The following XRCC5 variants were observed in gnomAD, a reference collection of about 807,000 sequenced individuals.
XRCC5 encodes the protein X-ray repair cross complementing 5.
In XRCC5, 12 loss-of-function variants were observed where a neutral mutation model predicts 95.7. That is an observed-to-expected ratio of 0.13 (90% confidence interval 0.08 to 0.20). The LOEUF (loss-of-function observed/expected upper bound fraction) is 0.20. Ranked by LOEUF, XRCC5 falls within the 10% of genes least tolerant of loss-of-function variation. The probability of loss-of-function intolerance (pLI) is 1.00; values close to 1 mark genes in which losing one functional copy is unlikely to be tolerated. For missense variants in XRCC5, 595 were observed against 873.9 expected, an observed-to-expected ratio of 0.68 and a Z score of 4.02; for synonymous variants, 281 against 290.3, an observed-to-expected ratio of 0.97 and a Z score of 0.33.
At chr2:216,198,892 G>T (rs1056731273) in intron 19 of XRCC5, among the ~76,000 whole-genome samples, 1 of 152,244 alleles carries the variant, frequency 6.6e-6, no homozygotes. Flanking sequence ...TTGATTTTTG[G>T]AGAGAAGTGT....
chr2:216,152,905 A>C (rs1342474957), intron 14 of XRCC5, among the ~76,000 whole-genome samples: 1 of 151,634 alleles, frequency 6.6e-6, no homozygotes, highest in Non-Finnish European at 1.5e-5. Context: ...GCCACTAATA[A>C]TTTCTTCTCT....
chr2:216,143,983 G>A (rs1697212244), intron 13 of XRCC5, among the ~76,000 whole-genome samples: 1 of 152,030 alleles, frequency 6.6e-6, no homozygotes, highest in African/African-American at 2.4e-5. Context: ...CCAAAGTGCT[G>A]GGATTGCAGG....
intron 6 of XRCC5, 95 bp downstream of exon 6, chr2:216,122,348 C>A: frequency 8.4e-7 from 1 of 1,195,144 alleles, no homozygotes; most frequent in Non-Finnish European, 1.2e-6. Context: ...TTTTCTGGGC[C>A]ACTCTCTAAT....
Position 216,190,250 on chromosome 2 carries a change from C to T in XRCC5, c.1860C>T (p.Ile620=), listed in dbSNP as rs143457870. ...EEASNQLINH[I]EQFLDTNETP... is the part of the protein sequence containing the mutation. ...CGAGTAACCAGCTCATAAATCACAT[C>T]GAACAGTTTTTGGATACTAATGAAA... is the stretch of plus-strand genomic sequence containing the variant. Residue 620 remains isoleucine (I), a synonymous_variant, in exon 17 of 21, where the codon ATC becomes ATT. Transcript: ENST00000392132. 1.2e-5 allele frequency: 19 copies of T among 1,613,724 alleles called. No individual in the cohort carries two copies. The highest frequency in any genetic ancestry group is 8.3e-5 in the Admixed American group (5 of 60,000).
At chr2:216,166,793 G>A (rs540777624) in intron 16 of XRCC5, among the ~76,000 whole-genome samples, 6 of 152,212 alleles carry the variant, frequency 3.9e-5, no homozygotes, top group South Asian at 2.1e-4. Flanking sequence ...GCGCGATTAT[G>A]TCTGAATTTA....
chr2:216,116,981 T>C, intron 3 of XRCC5, 139 bp downstream of exon 3: 2 of 850,562 alleles, frequency 2.4e-6, no homozygotes, highest in Non-Finnish European at 3.6e-6. Flanking sequence ...AGGTAATGTG[T>C]TAATAGGGTT....
intron 19 of XRCC5, among the ~76,000 whole-genome samples, chr2:216,199,936 A>C (rs976243260): frequency 6.6e-6 from 1 of 150,708 alleles, no homozygotes. Context: ...GTAACTGCCT[A>C]ATTTATCCTT....
chr2:216,186,069 G>A (rs757054011), intron 16 of XRCC5, among the ~76,000 whole-genome samples: 1 of 152,244 alleles, frequency 6.6e-6, no homozygotes, highest in Non-Finnish European at 1.5e-5. Flanking sequence ...GCTGAGTTCA[G>A]CCAAATCATT....
Position 216,130,903 on chromosome 2 carries a change from T to C in XRCC5, c.966T>C (p.Pro322=). The C allele has an allele frequency of 6.2e-7, 1 of 1,613,064 alleles. No individual in the cohort carries two copies. Among genetic ancestry groups the C allele is most frequent in the Middle Eastern group, 1.7e-4 (1 of 6,056 alleles). Residue 322 remains proline, a synonymous_variant, in exon 9 of 21, where the codon CCT becomes CCC. Transcript: ENST00000392132. ...QGFRYGSDIV[P]FSKVDEEQMK... ...TCCGCTATGGAAGTGATATAGTTCC[T>C]TTCTCTAAAGTGGATGAGGAACAAA...
intron 3 of XRCC5, 172 bp downstream of exon 3, chr2:216,117,014 A>G: frequency 1.4e-6 from 1 of 699,818 alleles, no homozygotes; most frequent in Non-Finnish European, 2.3e-6. Flanking sequence ...AATCAGTTTA[A>G]AACAGTGCCT....
Position 216,187,466 on chromosome 2 carries a change from CTGTGTGTGTGTGTG to C in XRCC5, c.1835-2717_1835-2704del, listed in dbSNP as rs140171958. Among the ~76,000 whole-genome samples, 587 of 111,380 alleles carry C rather than the reference CTGTGTGTGTGTGTG, an allele frequency of 5.3e-3. 2 individuals carry two copies. The highest frequency in any genetic ancestry group is 0.011 in the Middle Eastern group (2 of 180). The allele number at this position is 111,380 out of a possible 152,430, so 73.1% of individuals were successfully genotyped here. ...AATATTTTTCTCTGTAAGATAGCAA[CTGTGTGTGTGTGTG>C]TGTGTGTGTGTGTGTGTGTGTGTGT... On this transcript the variant is annotated intron_variant, in intron 16 of 20. Transcript: ENST00000392132.
chr2:216,181,573 A>G (rs917986840), intron 16 of XRCC5, among the ~76,000 whole-genome samples: 3 of 151,994 alleles, frequency 2.0e-5, no homozygotes, highest in East Asian at 1.9e-4. Context: ...CCCAAATCCT[A>G]CTCTAAAGAG....
intron 5 of XRCC5, among the ~76,000 whole-genome samples, chr2:216,121,606 C>T (rs140208920): frequency 6.6e-6 from 1 of 152,138 alleles, no homozygotes; most frequent in African/African-American, 2.4e-5. Context: ...ACCCTCAGGA[C>T]TTCATTACCT....
chr2:216,143,912 C>T (rs1024101352), intron 13 of XRCC5, among the ~76,000 whole-genome samples: 9 of 150,940 alleles, frequency 6.0e-5, no homozygotes, highest in East Asian at 1.9e-4. Context: ...GACGGGGTTT[C>T]GCTGTGTTAG....
At chr2:216,184,856 C>G (rs1689465218) in intron 16 of XRCC5, among the ~76,000 whole-genome samples, 1 of 152,228 alleles carries the variant, frequency 6.6e-6, no homozygotes, top group South Asian at 2.1e-4. Context: ...TCATAACACA[C>G]TGTGCCCTTA....
chr2:216,175,081 A>G (rs207935), intron 16 of XRCC5: 81,001 of 302,198 alleles, frequency 0.27, 13,329 homozygotes, highest in Non-Finnish European at 0.36. Context: ...ACCACTGCCA[A>G]AATTTCCTCC....
intron 5 of XRCC5, 125 bp from the exon 6 acceptor site, chr2:216,121,937 A>T: frequency 1.2e-6 from 1 of 842,564 alleles, no homozygotes; most frequent in East Asian, 2.7e-5. Context: ...TAAGGTAGGT[A>T]AGAGTCGTTT....
chr2:216,119,830 A>G (rs182449849), intron 5 of XRCC5, among the ~76,000 whole-genome samples: 6 of 152,364 alleles, frequency 3.9e-5, no homozygotes, highest in Admixed American at 3.3e-4. Flanking sequence ...TTATATCCCT[A>G]ACAAAAATTT....
chr2:216,135,952 G>A lies in XRCC5; in HGVS notation c.1114-1136G>A, dbSNP rs182997111. ...AGTAAGTTTAGGTTTTAGTCTTGTC[G>A]TGGTGAATGTGAACAGTTCATACTG... On this transcript the variant is annotated intron_variant, in intron 10 of 20. Transcript: ENST00000392132. Among the ~76,000 whole-genome samples the A allele has an allele frequency of 5.5e-4, 83 of 152,258 alleles. 1 individual carries two copies. The highest frequency in any genetic ancestry group is 1.3e-3 in the Admixed American group (20 of 15,306).
Sources: allele counts gnomAD v4.1 joint callset (sites outside exome capture counted in the v4.1 genomes callset), GRCh38; gene constraint gnomAD v4.1.1; transcripts MANE v1.5; gene names NCBI Gene and HGNC (gene_info 2026-07-23, HGNC 2026-07-21).